PPM1D: variants seen among roughly 807,000 people sequenced by gnomAD.
The protein encoded by PPM1D is protein phosphatase 1D.
In PPM1D, 52 loss-of-function variants were observed where a neutral mutation model predicts 58.3. The observed-to-expected ratio is 0.89, with a 90% CI of 0.71 to 1.12. PPM1D has a LOEUF of 1.12. Ranked by LOEUF, PPM1D falls within the 50% of genes most tolerant of loss-of-function variation. The pLI is 0.00. For missense variants in PPM1D, 564 were observed against 777.2 expected (o/e 0.73, Z 3.26); for synonymous variants, 278 against 285.1 (o/e 0.98, Z 0.25).
intron 3 of PPM1D, among the ~76,000 whole-genome samples, chr17:60,641,978 GCTGT>G (rs2031142340): frequency 1.3e-5 from 2 of 152,188 alleles, no homozygotes; most frequent in African/African-American, 4.8e-5. Flanking sequence ...AAGGGAATTG[GCTGT>G]CTGCCAGTTT....
intron 1 of PPM1D, among the ~76,000 whole-genome samples, chr17:60,613,839 G>A (rs2030514563): frequency 6.6e-6 from 1 of 152,106 alleles, no homozygotes; most frequent in Non-Finnish European, 1.5e-5. Flanking sequence ...CCGGGCCTTA[G>A]CTGACTCCCC....
rs147690607 is a variant in PPM1D, at chr17:60,608,732, T to A, written c.472+7846T>A. Among the ~76,000 whole-genome samples, 1,208 of 152,206 alleles carry A rather than the reference T, an allele frequency of 7.9e-3. 12 individuals are homozygous for A. The highest frequency in any genetic ancestry group is 0.027 in the African/African-American group (1,120 of 41,536). ...TGTTTATCATCCTCACTATTTTTTT[T>A]ATAATTTTATTAGGTATATCTTTTT... On this transcript the variant is annotated intron_variant, in intron 1 of 5. Coordinates refer to ENST00000305921, the MANE Select transcript of PPM1D (RefSeq NM_003620.4).
intron 1 of PPM1D, among the ~76,000 whole-genome samples, chr17:60,623,111 A>G (rs1017196398): frequency 3.3e-5 from 5 of 152,132 alleles, no homozygotes; most frequent in African/African-American, 1.2e-4. Context: ...CTTTTTCAGA[A>G]AGCCTTTTAG....
chr17:60,616,347 G>A (rs2030584810), intron 1 of PPM1D, among the ~76,000 whole-genome samples: 1 of 151,898 alleles, frequency 6.6e-6, no homozygotes, highest in Non-Finnish European at 1.5e-5. Flanking sequence ...AGTGGCTCAT[G>A]CCTGTAATCC....
In PPM1D at chr17:60,657,364, A is replaced by C. The variant is rs1404210193; in HGVS notation, c.1260+523A>C. Among the ~76,000 whole-genome samples, 4 of 152,212 alleles carry C rather than the reference A, an allele frequency of 2.6e-5. No individual in the cohort carries two copies. The South Asian group carries it at 8.3e-4, about 32-fold the overall frequency. On this transcript the variant is annotated intron_variant, in intron 5 of 5. Coordinates refer to ENST00000305921, the MANE Select transcript of PPM1D (RefSeq NM_003620.4). ...TGATTGAGTTTAAGATATGCTTTGA[A>C]ATAAGCAAATTTTAAGTAGATATCA...
At chr17:60,634,573 A>C (rs2143676375) in intron 3 of PPM1D, among the ~76,000 whole-genome samples, 1 of 152,282 alleles carries the variant, frequency 6.6e-6, no homozygotes. Context: ...ATTCTCCTTT[A>C]GCCCTTAATA....
intron 1 of PPM1D, among the ~76,000 whole-genome samples, chr17:60,622,218 C>T (rs992954251): frequency 4.6e-5 from 7 of 151,340 alleles, no homozygotes; most frequent in Non-Finnish European, 1.0e-4. Flanking sequence ...CACTCATTTA[C>T]TGTCTTTATT....
At chr17:60,647,179 G>A (rs1208176784) in intron 3 of PPM1D, among the ~76,000 whole-genome samples, 1 of 152,126 alleles carries the variant, frequency 6.6e-6, no homozygotes, top group East Asian at 1.9e-4. Context: ...GGGAATAATT[G>A]ACATCTTTAT....
chr17:60,613,681 A>G (rs2030509160), intron 1 of PPM1D, among the ~76,000 whole-genome samples: 1 of 152,198 alleles, frequency 6.6e-6, no homozygotes, highest in African/African-American at 2.4e-5. Flanking sequence ...CCAGGTGGGC[A>G]TGGGCTCCGC....
chr17:60,610,260 G>C (rs989522388), intron 1 of PPM1D, among the ~76,000 whole-genome samples: 1 of 151,986 alleles, frequency 6.6e-6, no homozygotes, highest in African/African-American at 2.4e-5. Flanking sequence ...AAAGTTTCAG[G>C]CATCCTTTGG....
At chr17:60,609,643 T>C (rs1160819099) in intron 1 of PPM1D, among the ~76,000 whole-genome samples, 4 of 152,318 alleles carry the variant, frequency 2.6e-5, no homozygotes, top group Middle Eastern at 6.8e-3. Context: ...ATCTACGCTG[T>C]ATATGCTACC....
intron 3 of PPM1D, among the ~76,000 whole-genome samples, chr17:60,639,950 G>C (rs955038527): frequency 6.6e-6 from 1 of 152,244 alleles, no homozygotes; most frequent in African/African-American, 2.4e-5. Flanking sequence ...ATGAAGGGCA[G>C]TGTAGCTGGA....
At chr17:60,613,999 C>CGGGCCCAAGGGCTGAGGAGTGT (rs2030524070) in intron 1 of PPM1D, among the ~76,000 whole-genome samples, 5 of 151,804 alleles carry the variant, frequency 3.3e-5, no homozygotes, top group South Asian at 4.2e-4. Context: ...CTGAGGAGTG[C>CGGGCCCAAGGGCTGAGGAGTGT]GGGCCCAAGG....
intron 1 of PPM1D, among the ~76,000 whole-genome samples, chr17:60,618,263 A>G (rs1229437821): frequency 6.6e-6 from 1 of 152,122 alleles, no homozygotes; most frequent in Non-Finnish European, 1.5e-5. Context: ...GGCACATACT[A>G]CCATGGTTGA....
chr17:60,621,431 G>C (rs1169379583), intron 1 of PPM1D, among the ~76,000 whole-genome samples: 1 of 151,930 alleles, frequency 6.6e-6, no homozygotes, highest in African/African-American at 2.4e-5. Flanking sequence ...ATCTCACTCT[G>C]TTGGCCAGGC....
Position 60,600,566 on chromosome 17 carries a change from C to A in PPM1D, c.152C>A (p.Pro51Gln). The A allele has an allele frequency of 6.4e-7, 1 of 1,552,436 alleles. No individual in the cohort carries two copies. Among genetic ancestry groups the A allele is most frequent in the Non-Finnish European group, 8.7e-7 (1 of 1,148,626 alleles). ...PRRSLSQPLP[P>Q]RPSPAALPGG... is the part of the protein sequence containing the mutation. ...CGGTCGCTGTCTCAGCCGTTGCCTC[C>A]GCGGCCGTCGCCGGCCGCCCTTCCC... The change falls in exon 1 of 6, where the codon CCG (proline) becomes CAG (glutamine). Residue 51 changes from proline (P) to glutamine (Q), a missense_variant. Physicochemically the swap from Pro to Gln is moderately conservative, Grantham distance 76. Transcript: ENST00000305921.
chr17:60,608,615 A>G (rs949876619), intron 1 of PPM1D, among the ~76,000 whole-genome samples: 8 of 152,148 alleles, frequency 5.3e-5, no homozygotes, highest in Non-Finnish European at 1.2e-4. Context: ...AAATAAAATA[A>G]TAAAACATTA....
At chr17:60,621,125 G>A (rs2030692354) in intron 1 of PPM1D, among the ~76,000 whole-genome samples, 1 of 151,884 alleles carries the variant, frequency 6.6e-6, no homozygotes, top group Non-Finnish European at 1.5e-5. Flanking sequence ...GTTTCATCAT[G>A]TTGGCCAGGT....
At chr17:60,641,479 T>G (rs2031133176) in intron 3 of PPM1D, among the ~76,000 whole-genome samples, 1 of 152,258 alleles carries the variant, frequency 6.6e-6, no homozygotes, top group Non-Finnish European at 1.5e-5. Flanking sequence ...TTACAGATTC[T>G]AGATATTAGA....
Sources: allele counts gnomAD v4.1 joint callset (sites outside exome capture counted in the v4.1 genomes callset), GRCh38; gene constraint gnomAD v4.1.1; transcripts MANE v1.5; gene names NCBI Gene and HGNC (gene_info 2026-07-23, HGNC 2026-07-21).